The following COL5A2 variants were observed in gnomAD, a reference collection of about 807,000 sequenced individuals.
COL5A2 encodes the protein collagen alpha-2(V) chain.
COL5A2 carries 23 observed loss-of-function variants against 208.2 expected under a neutral mutation model. The ratio of observed to expected loss-of-function variants is 0.11; its 90% CI spans 0.08 to 0.16. The LOEUF is 0.16. Ranked by LOEUF, COL5A2 falls within the 10% of genes least tolerant of loss-of-function variation. The pLI is 1.00. For synonymous variants in COL5A2, 625 were observed against 628.5 expected (o/e 0.99, Z 0.08); for missense variants, 1,590 against 1,956.4 (o/e 0.81, Z 3.53).
chr2:189,063,340 C>A, intron 26 of COL5A2, 70 bp from the exon 27 acceptor site: 1 of 1,232,286 alleles, frequency 8.1e-7, no homozygotes, highest in South Asian at 1.2e-5. Flanking sequence ...CCCAAAGTGT[C>A]ACCTTTGCTT....
At chr2:189,085,885 G>T in intron 9 of COL5A2, 113 bp from the exon 10 acceptor site, 1 of 849,298 alleles carries the variant, frequency 1.2e-6, no homozygotes, top group Non-Finnish European at 1.9e-6. Context: ...CCATCTTCCA[G>T]CTGTGTGACT....
chr2:189,353,527 T>A, the COL5A2 span, among the ~76,000 whole-genome samples: 2 of 152,222 alleles, frequency 1.3e-5, no homozygotes, highest in Non-Finnish European at 2.9e-5. Flanking sequence ...GTTGGATTCC[T>A]AGGTATTTTA....
the COL5A2 span, among the ~76,000 whole-genome samples, chr2:189,314,746 GA>G: frequency 6.6e-6 from 1 of 152,070 alleles, no homozygotes; most frequent in Non-Finnish European, 1.5e-5. Context: ...TGACAAGGGG[GA>G]TATTACCACT....
chr2:189,267,970 A>C, the COL5A2 span, among the ~76,000 whole-genome samples: 1 of 152,082 alleles, frequency 6.6e-6, no homozygotes, highest in Admixed American at 6.6e-5. Context: ...CTTCTGTATT[A>C]TCTTTATTGA....
the COL5A2 span, among the ~76,000 whole-genome samples, chr2:189,281,796 A>G: frequency 6.6e-6 from 1 of 152,242 alleles, no homozygotes; most frequent in South Asian, 2.1e-4. Context: ...TCAATAAGTA[A>G]GAAACTAATA....
At chr2:189,378,726 CAAAA>C in the COL5A2 span, among the ~76,000 whole-genome samples, 1 of 79,514 alleles carries the variant, frequency 1.3e-5, no homozygotes. Context: ...TCCGTCTCAA[CAAAA>C]AAAAAAAAAA....
chr2:189,078,575 G>C lies in COL5A2; in HGVS notation c.1006-6C>G. ...CCTGGCATTCCCCTCGGACCCTATA[G>C]ACGATAGAGAAGAAATGTCTCTTGA... is the stretch of plus-strand genomic sequence containing the variant. On this transcript the variant is annotated splice_region_variant and splice_polypyrimidine_tract_variant and intron_variant, in intron 15 of 53. Coordinates refer to ENST00000374866, the MANE Select transcript of COL5A2 (RefSeq NM_000393.5). The C allele has an allele frequency of 1.2e-6, 2 of 1,611,268 alleles. No individual in the cohort carries two copies. Among genetic ancestry groups the C allele is most frequent in the Non-Finnish European group, 1.7e-6 (2 of 1,177,590 alleles).
chr2:189,432,666 C>T, the COL5A2 span, among the ~76,000 whole-genome samples: 2 of 152,148 alleles, frequency 1.3e-5, no homozygotes. Flanking sequence ...TACAGGAGCA[C>T]CCAGATTCAT....
At chr2:189,269,850 G>A in the COL5A2 span, among the ~76,000 whole-genome samples, 4 of 152,138 alleles carry the variant, frequency 2.6e-5, no homozygotes, top group Admixed American at 2.6e-4. Context: ...GAATTCAGCT[G>A]TGAATCCATC....
intron 1 of COL5A2, among the ~76,000 whole-genome samples, chr2:189,197,525 C>A (rs995534488): frequency 1.3e-5 from 2 of 151,950 alleles, no homozygotes; most frequent in Admixed American, 1.3e-4. Context: ...TTCCCTGTTT[C>A]TGGGTGGTAG....
chr2:189,129,120 T>C (rs1425043542), intron 1 of COL5A2, among the ~76,000 whole-genome samples: 2 of 151,686 alleles, frequency 1.3e-5, no homozygotes, highest in Non-Finnish European at 2.9e-5. Flanking sequence ...GTGAGTTTTA[T>C]CACTGGGTAG....
At chr2:189,254,326 G>A in the COL5A2 span, among the ~76,000 whole-genome samples, 2 of 152,212 alleles carry the variant, frequency 1.3e-5, no homozygotes, top group East Asian at 3.8e-4. Flanking sequence ...GTGTGGGCAG[G>A]CATCTGAATG....
chr2:189,412,873 T>C, the COL5A2 span, among the ~76,000 whole-genome samples: 3 of 152,190 alleles, frequency 2.0e-5, no homozygotes, highest in Non-Finnish European at 4.4e-5. Flanking sequence ...AATTATCATA[T>C]AATTGGATGG....
the COL5A2 span, among the ~76,000 whole-genome samples, chr2:189,332,662 C>T: frequency 6.6e-6 from 1 of 152,210 alleles, no homozygotes; most frequent in African/African-American, 2.4e-5. Context: ...TCCTTGCCTT[C>T]TGCCATGATG....
At chr2:189,191,167 C>CAAAAAAAAAAAAAAAAA (rs1688921444) in intron 1 of COL5A2, among the ~76,000 whole-genome samples, 2 of 124,890 alleles carry the variant, frequency 1.6e-5, no homozygotes, top group Non-Finnish European at 3.3e-5. Context: ...AACAAACAAA[C>CAAAAAAAAAAAAAAAAA]AACAAAAAAC....
At chr2:189,346,688 C>T in the COL5A2 span, among the ~76,000 whole-genome samples, 5 of 152,022 alleles carry the variant, frequency 3.3e-5, no homozygotes, top group African/African-American at 1.2e-4. Flanking sequence ...ATGGAAGAAA[C>T]TGGTTTCACA....
chr2:189,354,888 A>C, the COL5A2 span, among the ~76,000 whole-genome samples: 1 of 151,984 alleles, frequency 6.6e-6, no homozygotes, highest in South Asian at 2.1e-4. Flanking sequence ...TCGATTTTAG[A>C]TCTTTCCTGC....
intron 7 of COL5A2, among the ~76,000 whole-genome samples, chr2:189,090,614 T>C (rs1686764354): frequency 6.6e-6 from 1 of 152,212 alleles, no homozygotes; most frequent in East Asian, 1.9e-4. Context: ...AGGCTTATTC[T>C]CTTGTTAGGG....
At chr2:189,329,591 T>C in the COL5A2 span, among the ~76,000 whole-genome samples, 43 of 152,300 alleles carry the variant, frequency 2.8e-4, 1 homozygote, top group African/African-American at 9.6e-4. Flanking sequence ...CATAAACATA[T>C]ATAATTTTTA....
Sources: gnomAD v4.1 joint callset for allele counts (sites outside exome capture counted in the v4.1 genomes callset) on GRCh38, gnomAD v4.1.1 for gene constraint, MANE v1.5 for transcripts, NCBI Gene and HGNC (gene_info 2026-07-23, HGNC 2026-07-21) for gene names.